The following HLTF variants were observed in gnomAD, a reference collection of about 807,000 sequenced individuals.
The protein encoded by HLTF is DNA-dependent ATPase/E3 ubiquitin-protein ligase HLTF.
A neutral mutation model predicts 129.4 loss-of-function variants in HLTF; 127 were observed. That is an observed-to-expected ratio of 0.98 (90% CI 0.85 to 1.14). The LOEUF is 1.14. HLTF is among the 50% of genes most tolerant of loss of function. The pLI is 0.00. For synonymous variants in HLTF, 332 were observed against 388.8 expected (o/e 0.85, Z 1.72); for missense variants, 1,139 against 1,187.1 (o/e 0.96, Z 0.60).
intron 20 of HLTF, among the ~76,000 whole-genome samples, chr3:149,040,863 C>A (rs1255700548): frequency 6.6e-6 from 1 of 152,016 alleles, no homozygotes; most frequent in Non-Finnish European, 1.5e-5. Flanking sequence ...TGAATTTATA[C>A]ATTTTTTCTA....
At chr3:149,063,071 T>G (rs1366840134) in intron 10 of HLTF, 1 of 457,610 alleles carries the variant, frequency 2.2e-6, no homozygotes, top group Non-Finnish European at 4.4e-6. Context: ...CTTTTTCTTT[T>G]TTTTTTGAGA....
rs1262714970 is a variant in HLTF, at chr3:149,031,782, A to G, written c.*438T>C. 1.3e-5 allele frequency: 2 copies of G among 152,524 alleles called. No individual in the cohort carries two copies. The highest frequency in any genetic ancestry group is 4.8e-5 in the African/African-American group (2 of 41,468). 9.4% of individuals were successfully genotyped at this position (152,524 alleles called of 1,614,324 possible). On this transcript the variant is annotated 3_prime_UTR_variant, in exon 25 of 25. Coordinates refer to ENST00000310053, the MANE Select transcript of HLTF (RefSeq NM_003071.4). ...TAAAATTAATTCTTGTATAGTCTGT[A>G]TATATTGTTTACAAGGACTACAAAC...
chr3:149,032,957 CAAAAAA>C (rs67952189), intron 24 of HLTF, among the ~76,000 whole-genome samples: 2 of 67,708 alleles, frequency 3.0e-5, no homozygotes, highest in African/African-American at 5.7e-5. Flanking sequence ...AGCGACGTCT[CAAAAAA>C]AAAAAAAAAA....
intron 13 of HLTF, among the ~76,000 whole-genome samples, chr3:149,057,437 A>AC (rs570693973): frequency 1.2e-3 from 185 of 152,228 alleles, no homozygotes; most frequent in African/African-American, 4.4e-3. Context: ...AAACAAACAA[A>AC]CAAACAAACA....
chr3:149,049,999 G>A (rs758353621), intron 15 of HLTF, among the ~76,000 whole-genome samples: 1 of 151,964 alleles, frequency 6.6e-6, no homozygotes, highest in South Asian at 2.1e-4. Flanking sequence ...TCGAGAGGGA[G>A]GGGGAGGGGA....
intron 2 of HLTF, among the ~76,000 whole-genome samples, chr3:149,077,775 T>C (rs1719504552): frequency 6.6e-6 from 1 of 151,690 alleles, no homozygotes; most frequent in South Asian, 2.1e-4. Context: ...AAGCCAGAAG[T>C]GAAAGCTAAA....
chr3:149,066,227 G>T (rs542979564), intron 8 of HLTF, among the ~76,000 whole-genome samples: 1 of 152,106 alleles, frequency 6.6e-6, no homozygotes, highest in Admixed American at 6.5e-5. Context: ...TGTATTTTCA[G>T]TAGAGACAGG....
At chr3:149,054,622 G>A (rs1008278594) in intron 14 of HLTF, among the ~76,000 whole-genome samples, 2 of 152,032 alleles carry the variant, frequency 1.3e-5, no homozygotes, top group African/African-American at 4.8e-5. Flanking sequence ...ACATATCCAG[G>A]CTGCAAATAA....
chr3:149,080,770 A>G (rs993875849), intron 2 of HLTF, among the ~76,000 whole-genome samples: 1 of 152,268 alleles, frequency 6.6e-6, no homozygotes, highest in East Asian at 1.9e-4. Flanking sequence ...AAAATATTGG[A>G]GACTATAAAA....
chr3:149,079,126 A>G (rs1182023152), intron 2 of HLTF, among the ~76,000 whole-genome samples: 1 of 152,100 alleles, frequency 6.6e-6, no homozygotes, highest in African/African-American at 2.4e-5. Context: ...GAAACTTGTA[A>G]TATCAAGCAT....
chr3:149,036,348 G>A (rs1006434291), intron 23 of HLTF, among the ~76,000 whole-genome samples: 1 of 131,348 alleles, frequency 7.6e-6, no homozygotes, highest in Non-Finnish European at 1.5e-5. Context: ...GAGTGCAGTG[G>A]CACGATCTCA....
At position 149,048,015 on chromosome 3, in the gene HLTF, T is replaced by G. The variant is rs1215971262; in HGVS notation, c.1892+13A>C. 1.9e-6 allele frequency: 3 copies of G among 1,584,170 alleles called. No homozygotes were observed. The highest frequency in any genetic ancestry group is 8.6e-7 in the Non-Finnish European group (1 of 1,168,876). On this transcript the variant is annotated intron_variant, in intron 17 of 24. Coordinates refer to ENST00000310053, the MANE Select transcript of HLTF (RefSeq NM_003071.4). Reference sequence around the variant, plus strand: ...TTTGTAACTAATATTAATCACTGTCTGAAAGTACTTACCTAAGTCCTCCTT... The same window carrying G: ...TTTGTAACTAATATTAATCACTGTCGGAAAGTACTTACCTAAGTCCTCCTT...
At chr3:149,043,867 C>G (rs1716327529) in intron 18 of HLTF, among the ~76,000 whole-genome samples, 1 of 152,126 alleles carries the variant, frequency 6.6e-6, no homozygotes, top group African/African-American at 2.4e-5. Flanking sequence ...CTACCTCATA[C>G]AACTACTGTT....
At chr3:149,081,562 G>C (rs1719877006) in intron 2 of HLTF, among the ~76,000 whole-genome samples, 1 of 151,956 alleles carries the variant, frequency 6.6e-6, no homozygotes, top group Non-Finnish European at 1.5e-5. Flanking sequence ...TAATGTCATA[G>C]CTAATCAATA....
chr3:149,032,282 G>A lies in HLTF; in HGVS notation c.2968C>T (p.Pro990Ser), dbSNP rs983187075. Reference sequence around the variant, plus strand: ...GCTTGTTTCATTTCGTCAGCATTTGGTTTTTTAGTTCCAAAGGCTCCTGCT... The same window carrying A: ...GCTTGTTTCATTTCGTCAGCATTTGATTTTTTAGTTCCAAAGGCTCCTGCT... The part of the protein sequence containing the change: ...LAAGAFGTKK[P>S]NADEMKQAKI... The change falls in exon 25 of 25, where the codon CCA becomes TCA. Residue 990 changes from proline to serine, a missense_variant. Coordinates refer to ENST00000310053, the MANE Select transcript of HLTF (RefSeq NM_003071.4). The A allele has an allele frequency of 1.9e-6, 3 of 1,597,748 alleles. No individual in the cohort carries two copies. The highest frequency in any genetic ancestry group is 1.1e-5 in the South Asian group (1 of 87,678).
chr3:149,039,519 T>A, intron 22 of HLTF, 62 bp downstream of exon 22: 1 of 777,520 alleles, frequency 1.3e-6, no homozygotes, highest in Non-Finnish European at 2.0e-6. Flanking sequence ...TTTTTTGCTA[T>A]CCAAATCAAT....
intron 14 of HLTF, among the ~76,000 whole-genome samples, chr3:149,053,157 G>A (rs537193278): frequency 1.4e-4 from 22 of 152,192 alleles, no homozygotes; most frequent in African/African-American, 4.8e-4. Context: ...CCAGGAAGAC[G>A]GTATCTTGTT....
intron 14 of HLTF, among the ~76,000 whole-genome samples, chr3:149,052,374 G>C (rs1425359224): frequency 6.6e-6 from 1 of 151,712 alleles, no homozygotes; most frequent in Non-Finnish European, 1.5e-5. Flanking sequence ...AAATATAAAG[G>C]GTAAAGGCCT....
In HLTF at chr3:149,031,899, T is replaced by A. The variant is rs969928893; in HGVS notation, c.*321A>T. On this transcript the variant is annotated 3_prime_UTR_variant, in exon 25 of 25. Transcript: ENST00000310053. ...CAAAAGTATAAAAGGTCTGACCTTA[T>A]TTGAAATACGAAAAAGCTGAGTACT... The A allele has an allele frequency of 1.2e-5, 2 of 168,954 alleles. No individual in the cohort carries two copies. The highest frequency in any genetic ancestry group is 4.7e-5 in the African/African-American group (2 of 42,116). 10.5% of individuals were successfully genotyped at this position (168,954 alleles called of 1,614,324 possible). A position where few individuals can be genotyped will look rare whatever the true frequency, so the allele number is the denominator to read the frequency against.
Sources: gnomAD v4.1 joint callset for allele counts (sites outside exome capture counted in the v4.1 genomes callset) on GRCh38, gnomAD v4.1.1 for gene constraint, MANE v1.5 for transcripts, NCBI Gene and HGNC (gene_info 2026-07-23, HGNC 2026-07-21) for gene names.